The following SCG3 variants were observed in gnomAD, a reference collection of about 807,000 sequenced individuals.
SCG3 encodes the protein secretogranin III.
Under a neutral mutation model 56.2 loss-of-function variants are expected in SCG3, and 38 were observed. The observed-to-expected ratio is 0.68, with a 90% CI of 0.52 to 0.89. The LOEUF (loss-of-function observed/expected upper bound fraction) is 0.89, where lower values mean the gene tolerates loss of function less well. Ranked by LOEUF, SCG3 falls within the 40% of genes least tolerant of loss-of-function variation. SCG3 has a pLI of 0.00. For synonymous variants in SCG3, 176 were observed against 184.2 expected (o/e 0.96, Z 0.36); for missense variants, 524 against 540.7 (o/e 0.97, Z 0.31).
Position 51,704,260 on chromosome 15 carries a change from T to C in SCG3, c.1207+3016T>C, listed in dbSNP as rs894665865. On this transcript the variant is annotated intron_variant, in intron 10 of 11. Coordinates refer to ENST00000220478, the MANE Select transcript of SCG3 (RefSeq NM_013243.4). The stretch of plus-strand genomic sequence containing the variant: ...ACATACATACATATATATATATATA[T>C]ATATATATATATATATATAAAATAG... 4.9e-4 allele frequency among the ~76,000 whole-genome samples: 66 copies of C among 135,354 alleles called. 3 individuals carry two copies. In the South Asian group the frequency reaches 9.5e-3, roughly 19 times the overall value. The allele number at this position is 135,354 out of a possible 152,430, so 88.8% of individuals were successfully genotyped here.
At chr15:51,713,664 C>T (rs961626239) in intron 11 of SCG3, among the ~76,000 whole-genome samples, 35 of 152,146 alleles carry the variant, frequency 2.3e-4, no homozygotes, top group Admixed American at 1.4e-3. Flanking sequence ...AAACGTAGAA[C>T]GAATAGCATA....
chr15:51,711,425 T>C (rs2141580307), intron 10 of SCG3, among the ~76,000 whole-genome samples: 1 of 152,342 alleles, frequency 6.6e-6, no homozygotes, highest in Non-Finnish European at 1.5e-5. Flanking sequence ...TTTTCAGACA[T>C]ACTCAAAAGT....
rs1419452212 is a variant in SCG3 at position 51,686,709 on chromosome 15, T to TTGTA, written c.398-1548_398-1547insATGT. ...TTTGTTTGTTTGTTTGTTTGTATGT[T>TTGTA]TGTTTGTTTGTTTTTCTTAGGGGCT... is the stretch of plus-strand genomic sequence containing the variant. On this transcript the variant is annotated intron_variant, in intron 4 of 11. Coordinates refer to ENST00000220478, the MANE Select transcript of SCG3 (RefSeq NM_013243.4). Among the ~76,000 whole-genome samples the TTGTA allele has an allele frequency of 3.9e-3, 563 of 144,068 alleles. 3 individuals carry two copies. Among genetic ancestry groups the TTGTA allele is most frequent in the African/African-American group, 0.012 (416 of 35,956 alleles). The allele number at this position is 144,068 out of a possible 152,430, so 94.5% of individuals were successfully genotyped here.
chr15:51,697,951 G>C (rs2055314473), intron 8 of SCG3, among the ~76,000 whole-genome samples: 1 of 152,144 alleles, frequency 6.6e-6, no homozygotes, highest in Non-Finnish European at 1.5e-5. Context: ...AAGGGGCTCA[G>C]GGCAGCATGG....
intron 6 of SCG3, among the ~76,000 whole-genome samples, chr15:51,689,616 C>A (rs1437143228): frequency 6.6e-6 from 1 of 151,686 alleles, no homozygotes; most frequent in African/African-American, 2.4e-5. Flanking sequence ...ATAATGAGAC[C>A]CCCATCTCTA....
At chr15:51,694,420 G>A (rs1224047939) in intron 7 of SCG3, among the ~76,000 whole-genome samples, 2 of 152,066 alleles carry the variant, frequency 1.3e-5, no homozygotes, top group Non-Finnish European at 2.9e-5. Flanking sequence ...ACTGTTCCAG[G>A]CAAGTGGAAA....
intron 8 of SCG3, among the ~76,000 whole-genome samples, chr15:51,697,716 G>T (rs1595833750): frequency 6.6e-6 from 1 of 152,132 alleles, no homozygotes. Context: ...CTAAGTGTTT[G>T]TGTTTTTAAA....
In SCG3 at chr15:51,681,665, T is replaced by G; in HGVS notation, c.-91T>G. The G allele has an allele frequency of 2.1e-6, 1 of 484,302 alleles. No individual in the cohort carries two copies. The highest frequency in any genetic ancestry group is 4.2e-6 in the Non-Finnish European group (1 of 240,376). 30.0% of individuals were successfully genotyped at this position (484,302 alleles called of 1,614,324 possible). A position where few individuals can be genotyped will look rare whatever the true frequency, so the allele number is the denominator to read the frequency against. On this transcript the variant is annotated 5_prime_UTR_variant, in exon 1 of 12. Transcript: ENST00000220478. ...CGCCCCACACCCACCCTCCTGGCTCTTCCTGTTTTTACTCCTCCTTTTCAT... is the reference window on the plus strand; with the variant it reads ...CGCCCCACACCCACCCTCCTGGCTCGTCCTGTTTTTACTCCTCCTTTTCAT...
At chr15:51,718,199 T>TAGACAGACAGACAGACAGACAGAC (rs3078130) in intron 11 of SCG3, among the ~76,000 whole-genome samples, 1 of 148,886 alleles carries the variant, frequency 6.7e-6, no homozygotes, top group African/African-American at 2.5e-5. Context: ...GATAGATAGA[T>TAGACAGACAGACAGACAGACAGAC]AGACAGACAG....
chr15:51,683,073 T>C lies in SCG3; in HGVS notation c.136-6T>C. The stretch of plus-strand genomic sequence containing the variant: ...AAACCAAGTCTATCTCCTGTTTGCT[T>C]CACAGATTGCTGAAGCAGAAGAAGA... On this transcript the variant is annotated splice_region_variant and splice_polypyrimidine_tract_variant and intron_variant, in intron 2 of 11. Transcript: ENST00000220478. 1 of 1,608,500 alleles carries C rather than the reference T, an allele frequency of 6.2e-7. No individual in the cohort carries two copies. Among genetic ancestry groups the C allele is most frequent in the Middle Eastern group, 1.7e-4 (1 of 5,918 alleles).
At chr15:51,683,543 G>C (rs78597145) in intron 4 of SCG3, 109 bp downstream of exon 4, 2 of 670,798 alleles carry the variant, frequency 3.0e-6, no homozygotes, top group Non-Finnish European at 4.8e-6. Flanking sequence ...TCCTTTATTA[G>C]TCAAGTCCAA....
At chr15:51,719,135 G>A (rs1190670548) in intron 11 of SCG3, among the ~76,000 whole-genome samples, 1 of 152,324 alleles carries the variant, frequency 6.6e-6, no homozygotes, top group East Asian at 1.9e-4. Context: ...CCCTGGTCAT[G>A]AGCCTATTTC....
At chr15:51,704,278 T>TATATAA (rs1390526701) in intron 10 of SCG3, among the ~76,000 whole-genome samples, 35 of 131,362 alleles carry the variant, frequency 2.7e-4, no homozygotes, top group South Asian at 2.3e-4. Flanking sequence ...TATATATATA[T>TATATAA]AAAATAGCTC....
chr15:51,688,579 A>G (rs191082073), intron 5 of SCG3, among the ~76,000 whole-genome samples, 177 bp downstream of exon 5: 1 of 152,110 alleles, frequency 6.6e-6, no homozygotes, highest in Non-Finnish European at 1.5e-5. Flanking sequence ...TTTATCATCC[A>G]TCAGAAGAAC....
intron 7 of SCG3, chr15:51,693,135 A>G (rs908163216): frequency 2.0e-5 from 3 of 152,208 alleles, no homozygotes; most frequent in Non-Finnish European, 2.9e-5. Context: ...GAGATCATAC[A>G]GTATTTGTCT....
rs200042012 is a variant in SCG3, at chr15:51,719,420, C to G, written c.1301C>G (p.Ser434Ter). Residue 434 changes from serine (S) to a stop codon, truncating the protein, a stop_gained, in exon 12 of 12, where the codon TCA (serine) becomes TGA (stop). Transcript: ENST00000220478. LOFTEE classifies it high-confidence loss of function. ...TAATATTTTCCAGATTATGACCTTTCAAAGATGAGAGACTTCATCAATAAA... is the reference window on the plus strand; with the variant it reads ...TAATATTTTCCAGATTATGACCTTTGAAAGATGAGAGACTTCATCAATAAA... The part of the protein sequence containing the change: ...KKGNKEDYDL[S>*]KMRDFINKQA... The G allele has an allele frequency of 6.2e-7, 1 of 1,612,626 alleles. No homozygotes were observed. The highest frequency in any genetic ancestry group is 2.2e-5 in the East Asian group (1 of 44,864).
At position 51,683,087 on chromosome 15, in the gene SCG3, A is replaced by G; in HGVS notation, c.144A>G (p.Glu48=). The stretch of plus-strand genomic sequence containing the variant: ...TCCTGTTTGCTTCACAGATTGCTGA[A>G]GCAGAAGAAGACAAGATTAAAAAAA... The part of the protein sequence containing the change: ...AERPLNEQIA[E]AEEDKIKKTY... Residue 48 remains glutamate (E), a synonymous_variant, in exon 3 of 12, where the codon GAA becomes GAG. Transcript: ENST00000220478. The G allele has an allele frequency of 6.2e-7, 1 of 1,610,000 alleles. No individual in the cohort carries two copies. Among genetic ancestry groups the G allele is most frequent in the Non-Finnish European group, 8.5e-7 (1 of 1,178,636 alleles).
intron 7 of SCG3, among the ~76,000 whole-genome samples, chr15:51,694,472 C>A (rs2141565668): frequency 6.6e-6 from 1 of 151,508 alleles, no homozygotes; most frequent in African/African-American, 2.4e-5. Context: ...GAAACATAGG[C>A]TAATGGCTGT....
rs754923583 is a variant in SCG3 at position 51,681,729 on chromosome 15, G to C, written c.-27G>C. ...TACAGCTCCAGGAGCCCAGCGCCGGGCTGTGACCCAAGCCGAGCGTGGAAG... is the reference window on the plus strand; with the variant it reads ...TACAGCTCCAGGAGCCCAGCGCCGGCCTGTGACCCAAGCCGAGCGTGGAAG... On this transcript the variant is annotated 5_prime_UTR_variant, in exon 1 of 12. Transcript: ENST00000220478. 5.0e-6 allele frequency: 8 copies of C among 1,597,740 alleles called. No homozygotes were observed. In the African/African-American group the frequency reaches 1.1e-4, roughly 21 times the overall value.
Sources: gnomAD v4.1 joint callset for allele counts (sites outside exome capture counted in the v4.1 genomes callset) on GRCh38, gnomAD v4.1.1 for gene constraint, MANE v1.5 for transcripts, NCBI Gene and HGNC (gene_info 2026-07-23, HGNC 2026-07-21) for gene names.